Variants in HS6ST3 observed in about 807,000 individuals in gnomAD.
HS6ST3 encodes heparan-sulfate 6-O-sulfotransferase 3.
In HS6ST3, 12 loss-of-function variants were observed where a neutral mutation model predicts 36.7. The ratio of observed to expected loss-of-function variants is 0.33; its 90% CI spans 0.21 to 0.53. HS6ST3 has a LOEUF of 0.53. HS6ST3 is among the 20% of genes least tolerant of loss of function. The pLI, the probability that HS6ST3 is intolerant of heterozygous loss-of-function variation, is 0.95. For missense variants in HS6ST3, 584 were observed against 640.9 expected (o/e 0.91, Z 0.96); for synonymous variants, 240 against 257.5 (o/e 0.93, Z 0.65).
intron 1 of HS6ST3, among the ~76,000 whole-genome samples, chr13:96,099,425 CA>C (rs1345503089): frequency 6.6e-6 from 1 of 152,164 alleles, no homozygotes; most frequent in Non-Finnish European, 1.5e-5. Context: ...ACTGGGCACT[CA>C]GTCCAAGAAT....
chr13:96,227,426 G>A lies in HS6ST3; in HGVS notation c.707+135857G>A, dbSNP rs142093920. Among the ~76,000 whole-genome samples, 407 of 152,284 alleles carry A rather than the reference G, an allele frequency of 2.7e-3. 3 individuals carry two copies. The highest frequency in any genetic ancestry group is 9.4e-3 in the African/African-American group (389 of 41,578). On this transcript the variant is annotated intron_variant, in intron 1 of 1. Transcript: ENST00000376705. ...GTACAGATGTTACGATGAGGTAAAGGCAGCCCTTTATTAACTTGGTTAAGT... is the reference window on the plus strand; with the variant it reads ...GTACAGATGTTACGATGAGGTAAAGACAGCCCTTTATTAACTTGGTTAAGT...
At chr13:96,493,781 A>G (rs2055958570) in intron 1 of HS6ST3, among the ~76,000 whole-genome samples, 1 of 152,176 alleles carries the variant, frequency 6.6e-6, no homozygotes, top group Non-Finnish European at 1.5e-5. Flanking sequence ...CACATGCTGG[A>G]GATCAGAGTA....
At chr13:96,507,287 C>A (rs1224759816) in intron 1 of HS6ST3, among the ~76,000 whole-genome samples, 1 of 152,050 alleles carries the variant, frequency 6.6e-6, no homozygotes, top group Non-Finnish European at 1.5e-5. Flanking sequence ...TGATGTATGT[C>A]CTGAGCAGAA....
At chr13:96,310,184 TA>T in intron 1 of HS6ST3, among the ~76,000 whole-genome samples, 1 of 152,334 alleles carries the variant, frequency 6.6e-6, no homozygotes, top group Middle Eastern at 3.4e-3. Context: ...TCATGCTGAT[TA>T]TTTTTCTTCA....
At chr13:96,269,417 C>T (rs2054708668) in intron 1 of HS6ST3, among the ~76,000 whole-genome samples, 1 of 151,866 alleles carries the variant, frequency 6.6e-6, no homozygotes, top group Non-Finnish European at 1.5e-5. Flanking sequence ...CAACCTATTC[C>T]TCAAACAAAA....
intron 1 of HS6ST3, among the ~76,000 whole-genome samples, chr13:96,665,963 A>G (rs997944170): frequency 6.6e-6 from 1 of 152,174 alleles, no homozygotes; most frequent in African/African-American, 2.4e-5. Context: ...TGTTACCATG[A>G]TACGAATACA....
chr13:96,656,998 T>TGTGAGAGAGA (rs1397374817), intron 1 of HS6ST3, among the ~76,000 whole-genome samples: 34 of 98,336 alleles, frequency 3.5e-4, no homozygotes, highest in African/African-American at 1.2e-3. Context: ...TGTGTGTGTG[T>TGTGAGAGAGA]GAGAGAGAGA....
At chr13:96,623,942 A>G (rs1468318065) in intron 1 of HS6ST3, among the ~76,000 whole-genome samples, 2 of 152,334 alleles carry the variant, frequency 1.3e-5, no homozygotes, top group South Asian at 2.1e-4. Flanking sequence ...TGAACTTAAG[A>G]TTGCATAATT....
chr13:96,220,557 G>C (rs773949204), intron 1 of HS6ST3, among the ~76,000 whole-genome samples: 1 of 152,156 alleles, frequency 6.6e-6, no homozygotes, highest in Admixed American at 6.5e-5. Context: ...GAGCTAGCCA[G>C]GTTGTTTTTG....
intron 1 of HS6ST3, among the ~76,000 whole-genome samples, chr13:96,099,814 G>A (rs1309091768): frequency 1.3e-5 from 2 of 152,144 alleles, no homozygotes; most frequent in African/African-American, 4.8e-5. Context: ...TAAAGGTTCT[G>A]GATATTTAAG....
chr13:96,322,062 A>T (rs1217169374), intron 1 of HS6ST3, among the ~76,000 whole-genome samples: 1 of 151,938 alleles, frequency 6.6e-6, no homozygotes, highest in Non-Finnish European at 1.5e-5. Flanking sequence ...CTATCCACTC[A>T]CATACTCTGC....
At chr13:96,543,164 A>G (rs2056184646) in intron 1 of HS6ST3, among the ~76,000 whole-genome samples, 1 of 152,158 alleles carries the variant, frequency 6.6e-6, no homozygotes, top group South Asian at 2.1e-4. Context: ...TCTCCCGTAC[A>G]GATTATGGAG....
intron 1 of HS6ST3, among the ~76,000 whole-genome samples, chr13:96,817,173 T>C (rs1222128240): frequency 6.9e-6 from 1 of 145,042 alleles, no homozygotes; most frequent in Non-Finnish European, 1.5e-5. Flanking sequence ...CCATGGCTGT[T>C]TGGGGGGTGC....
intron 1 of HS6ST3, among the ~76,000 whole-genome samples, chr13:96,524,557 T>C (rs762991230): frequency 6.6e-6 from 1 of 152,196 alleles, no homozygotes; most frequent in African/African-American, 2.4e-5. Context: ...ACTGTGAGCA[T>C]AGAACCGTCT....
intron 1 of HS6ST3, among the ~76,000 whole-genome samples, chr13:96,408,839 G>A (rs1472390756): frequency 1.3e-5 from 2 of 152,046 alleles, no homozygotes; most frequent in East Asian, 1.9e-4. Context: ...AGGGAGAATC[G>A]CTTGAACCTG....
intron 1 of HS6ST3, among the ~76,000 whole-genome samples, chr13:96,646,456 C>T (rs1175390451): frequency 6.6e-6 from 1 of 151,766 alleles, no homozygotes; most frequent in Non-Finnish European, 1.5e-5. Context: ...ATTAGGACAC[C>T]AGGATATAAT....
At chr13:96,406,525 A>G (rs1440316929) in intron 1 of HS6ST3, among the ~76,000 whole-genome samples, 4 of 152,246 alleles carry the variant, frequency 2.6e-5, no homozygotes, top group African/African-American at 7.2e-5. Context: ...TGTTTTAGCT[A>G]TCATTTGCAT....
chr13:96,675,251 C>T (rs1209230618), intron 1 of HS6ST3, among the ~76,000 whole-genome samples: 2 of 151,710 alleles, frequency 1.3e-5, no homozygotes, highest in Non-Finnish European at 1.5e-5. Flanking sequence ...TCTATCTAAA[C>T]CCAGATTTAG....
At chr13:96,105,080 A>AAG (rs4001551) in intron 1 of HS6ST3, among the ~76,000 whole-genome samples, 17 of 149,906 alleles carry the variant, frequency 1.1e-4, no homozygotes, top group Non-Finnish European at 2.4e-4. Context: ...AAAAAAAAAA[A>AAG]GAAAAAGAAA....
Sources: gnomAD v4.1 joint callset for allele counts (sites outside exome capture counted in the v4.1 genomes callset) on GRCh38, gnomAD v4.1.1 for gene constraint, MANE v1.5 for transcripts, NCBI Gene and HGNC (gene_info 2026-07-23, HGNC 2026-07-21) for gene names.